Variants in CACNA2D1 observed in about 807,000 individuals in gnomAD.
CACNA2D1 encodes the protein voltage-dependent calcium channel subunit alpha-2/delta-1.
Under a neutral mutation model 171.5 loss-of-function variants are expected in CACNA2D1, and 53 were observed. The ratio of observed to expected loss-of-function variants is 0.31; its 90% confidence interval spans 0.25 to 0.39. The LOEUF (loss-of-function observed/expected upper bound fraction) is 0.39, where lower values mean the gene tolerates loss of function less well. Ranked by LOEUF, CACNA2D1 falls within the 10% of genes least tolerant of loss-of-function variation. CACNA2D1 has a pLI of 1.00. For missense variants in CACNA2D1, 903 were observed against 1,299.8 expected, an observed-to-expected ratio of 0.69 and a Z score of 4.69; for synonymous variants, 442 against 443.1, an observed-to-expected ratio of 1.00 and a Z score of 0.03.
intron 5 of CACNA2D1, among the ~76,000 whole-genome samples, 170 bp downstream of exon 5, chr7:82,136,465 G>T (rs1791620364): frequency 6.6e-6 from 1 of 151,858 alleles, no homozygotes; most frequent in Non-Finnish European, 1.5e-5. Flanking sequence ...CCAAGAATAA[G>T]TTGTTAAAAA....
chr7:81,971,851 C>A lies in CACNA2D1; in HGVS notation c.2067G>T (p.Leu689Phe). The A allele has an allele frequency of 6.2e-7, 1 of 1,603,668 alleles. No homozygotes were observed. Among genetic ancestry groups the A allele is most frequent in the South Asian group, 1.1e-5 (1 of 90,694 alleles). Residue 689 changes from leucine to phenylalanine, a missense_variant, in exon 26 of 39, where the codon TTG becomes TTT. Physicochemically the swap from Leu to Phe is conservative, Grantham distance 22. Coordinates refer to ENST00000356860, the MANE Select transcript of CACNA2D1 (RefSeq NM_000722.4). The part of the protein sequence containing the change: ...TPNNPSCNAD[L>F]INRVLLDAGF... ...CTGCATCAAGCAAGACTCTATTAAT[C>A]AAATCCGCGTTACCTAACACAGAAA...
At chr7:82,212,061 T>C (rs1166717669) in intron 3 of CACNA2D1, among the ~76,000 whole-genome samples, 10 of 152,134 alleles carry the variant, frequency 6.6e-5, no homozygotes, top group Admixed American at 2.6e-4. Flanking sequence ...CCTTTGCCCA[T>C]TTTTTAATAG....
At chr7:82,258,132 T>C (rs183875009) in intron 3 of CACNA2D1, among the ~76,000 whole-genome samples, 1 of 152,216 alleles carries the variant, frequency 6.6e-6, no homozygotes, top group East Asian at 1.9e-4. Flanking sequence ...AATTTGAAGA[T>C]ACAGGAGTTC....
intron 10 of CACNA2D1, among the ~76,000 whole-genome samples, chr7:82,048,519 C>T (rs957650322): frequency 1.3e-5 from 2 of 152,140 alleles, no homozygotes; most frequent in South Asian, 2.1e-4. Flanking sequence ...TATTAGTTTT[C>T]AAGCTATAAT....
chr7:82,392,956 C>T (rs1825305826), intron 1 of CACNA2D1, among the ~76,000 whole-genome samples: 1 of 151,174 alleles, frequency 6.6e-6, no homozygotes, highest in South Asian at 2.1e-4. Flanking sequence ...TTTAATTTTG[C>T]ACACAGGTTA....
At chr7:82,021,642 G>T (rs1801225204) in intron 12 of CACNA2D1, among the ~76,000 whole-genome samples, 1 of 152,000 alleles carries the variant, frequency 6.6e-6, no homozygotes, top group African/African-American at 2.4e-5. Flanking sequence ...GTTTACAAAT[G>T]TATACAACTA....
chr7:82,063,113 A>G (rs1023856261), intron 9 of CACNA2D1, among the ~76,000 whole-genome samples: 2 of 152,082 alleles, frequency 1.3e-5, no homozygotes, highest in Non-Finnish European at 2.9e-5. Context: ...ACCTCAATAC[A>G]TTTCTGTTGA....
At chr7:82,160,472 T>C (rs868791058) in intron 4 of CACNA2D1, among the ~76,000 whole-genome samples, 6 of 152,022 alleles carry the variant, frequency 3.9e-5, no homozygotes, top group Admixed American at 1.3e-4. Flanking sequence ...TTATAGAACA[T>C]AAGACAAACC....
At chr7:82,330,850 A>G (rs1354420827) in intron 3 of CACNA2D1, among the ~76,000 whole-genome samples, 3 of 152,130 alleles carry the variant, frequency 2.0e-5, no homozygotes, top group East Asian at 3.9e-4. Flanking sequence ...AGGAATGTAG[A>G]TCTTGAAGCC....
chr7:82,306,141 T>C (rs750791391), intron 3 of CACNA2D1, among the ~76,000 whole-genome samples: 1 of 152,196 alleles, frequency 6.6e-6, no homozygotes, highest in African/African-American at 2.4e-5. Flanking sequence ...TTTTGTGTTG[T>C]CATAAAGTCC....
At chr7:81,971,212 T>C (rs1410299880) in intron 26 of CACNA2D1, 1 of 181,920 alleles carries the variant, frequency 5.5e-6, no homozygotes, top group East Asian at 1.5e-4. Flanking sequence ...TTTTAGGAGT[T>C]AGATTCTGGC....
chr7:82,181,333 T>G (rs1020064327), intron 3 of CACNA2D1, among the ~76,000 whole-genome samples: 1 of 152,174 alleles, frequency 6.6e-6, no homozygotes, highest in Non-Finnish European at 1.5e-5. Flanking sequence ...TAGTGTCATC[T>G]TTATTTTGTC....
intron 6 of CACNA2D1, among the ~76,000 whole-genome samples, chr7:82,105,100 GTAAT>G (rs1357367246): frequency 4.0e-5 from 6 of 151,726 alleles, no homozygotes. Flanking sequence ...TTAAAATATG[GTAAT>G]TATTTTCCCT....
intron 4 of CACNA2D1, among the ~76,000 whole-genome samples, chr7:82,141,635 G>A (rs1792406948): frequency 6.6e-6 from 1 of 152,142 alleles, no homozygotes; most frequent in South Asian, 2.1e-4. Context: ...GGGAGCAAGT[G>A]TTCACCCTAC....
At chr7:82,222,552 C>G (rs1801880492) in intron 3 of CACNA2D1, among the ~76,000 whole-genome samples, 1 of 152,088 alleles carries the variant, frequency 6.6e-6, no homozygotes, top group Non-Finnish European at 1.5e-5. Flanking sequence ...AAATGAACTT[C>G]CTAATTGTAA....
intron 24 of CACNA2D1, among the ~76,000 whole-genome samples, chr7:81,978,349 G>T (rs1342885154): frequency 1.3e-5 from 2 of 152,120 alleles, no homozygotes; most frequent in African/African-American, 4.8e-5. Context: ...GCTGATCAAT[G>T]ATATAGACTG....
At chr7:82,295,827 C>G (rs370657961) in intron 3 of CACNA2D1, among the ~76,000 whole-genome samples, 1 of 152,024 alleles carries the variant, frequency 6.6e-6, no homozygotes. Flanking sequence ...TATTGCGGCA[C>G]TATTCACAAT....
chr7:81,959,617 A>C, intron 37 of CACNA2D1, 103 bp downstream of exon 37: 1 of 1,255,816 alleles, frequency 8.0e-7, no homozygotes, highest in Non-Finnish European at 1.1e-6. Flanking sequence ...AGGTGATCAG[A>C]GCAGTCTAAT....
intron 2 of CACNA2D1, among the ~76,000 whole-genome samples, chr7:82,348,051 T>C (rs1819441373): frequency 6.6e-6 from 1 of 152,020 alleles, no homozygotes; most frequent in Admixed American, 6.6e-5. Context: ...ACTCACAGAG[T>C]AAGGGAGATG....
Sources: allele counts gnomAD v4.1 joint callset (sites outside exome capture counted in the v4.1 genomes callset), GRCh38; gene constraint gnomAD v4.1.1; transcripts MANE v1.5; gene names NCBI Gene and HGNC (gene_info 2026-07-23, HGNC 2026-07-21).